Variants in TTC6 observed in about 807,000 individuals in gnomAD.
TTC6 encodes tetratricopeptide repeat domain 6.
TTC6 carries 172 observed loss-of-function variants against 210.4 expected under a neutral mutation model. That is an observed-to-expected ratio of 0.82 (90% CI 0.72 to 0.93). The LOEUF is 0.93. Ranked by LOEUF, TTC6 falls within the 40% of genes least tolerant of loss-of-function variation. TTC6 has a pLI of 0.00. For missense variants in TTC6, 2,414 were observed against 2,318.1 expected, an observed-to-expected ratio of 1.04 and a Z score of -0.85; for synonymous variants, 804 against 819.6, an observed-to-expected ratio of 0.98 and a Z score of 0.32.
chr14:37,721,422 T>G (rs2095861596), intron 6 of TTC6, among the ~76,000 whole-genome samples: 2 of 152,190 alleles, frequency 1.3e-5, no homozygotes, highest in African/African-American at 4.8e-5. Context: ...TTGGGAACCT[T>G]GCAAAATCAT....
intron 14 of TTC6, among the ~76,000 whole-genome samples, chr14:37,770,640 G>GT: frequency 6.6e-6 from 1 of 151,454 alleles, no homozygotes; most frequent in Non-Finnish European, 1.5e-5. Context: ...GCCTTTTTTT[G>GT]TTTTTCATTT....
intron 1 of TTC6, among the ~76,000 whole-genome samples, chr14:37,652,166 G>A (rs754011284): frequency 2.0e-5 from 3 of 152,304 alleles, no homozygotes; most frequent in East Asian, 1.9e-4. Context: ...TGGACTCAGC[G>A]TTAGGTGGTT....
At chr14:37,842,008 G>T in intron 30 of TTC6, 147 bp from the exon 33 acceptor site, 1 of 681,754 alleles carries the variant, frequency 1.5e-6, no homozygotes, top group Non-Finnish European at 2.2e-6. Context: ...TTGAAGAAAA[G>T]TGTTTTCAAA....
chr14:37,696,426 A>G (rs1198976149), intron 3 of TTC6, among the ~76,000 whole-genome samples: 3 of 152,150 alleles, frequency 2.0e-5, no homozygotes, highest in Non-Finnish European at 4.4e-5. Context: ...TACAAATACC[A>G]ATAAAGAAGA....
intron 13 of TTC6, among the ~76,000 whole-genome samples, chr14:37,751,968 T>C (rs980824018): frequency 1.3e-5 from 2 of 151,434 alleles, no homozygotes; most frequent in South Asian, 2.1e-4. Context: ...GGGCTACAGG[T>C]GCCCGCCACT....
chr14:37,786,968 C>T (rs1399740327), intron 14 of TTC6, among the ~76,000 whole-genome samples: 1 of 152,136 alleles, frequency 6.6e-6, no homozygotes, highest in African/African-American at 2.4e-5. Context: ...ATCCAGTTTA[C>T]ACAACTAATG....
chr14:37,617,333 C>T (rs1382195817), upstream of TTC6, among the ~76,000 whole-genome samples: 5 of 152,136 alleles, frequency 3.3e-5, no homozygotes, highest in Non-Finnish European at 7.4e-5. Context: ...AGTATATTCA[C>T]AAGGGATATA....
intron 29 of TTC6, among the ~76,000 whole-genome samples, chr14:37,836,668 A>G (rs1014476626): frequency 5.9e-5 from 9 of 152,118 alleles, no homozygotes; most frequent in African/African-American, 1.7e-4. Context: ...CTCCCTCCAG[A>G]GACTAGCAGG....
At chr14:37,745,615 T>C (rs1048571528) in intron 10 of TTC6, among the ~76,000 whole-genome samples, 1 of 152,224 alleles carries the variant, frequency 6.6e-6, no homozygotes, top group Non-Finnish European at 1.5e-5. Context: ...TCTTACTAGG[T>C]CCACTGTTAA....
chr14:37,739,115 G>C (rs936384608), exon 10 of TTC6: 3 of 1,524,254 alleles, frequency 2.0e-6, no homozygotes, highest in East Asian at 2.4e-5. Flanking sequence ...ACTTATATTC[G>C]TGCATGAAGA....
At chr14:37,790,779 C>T (rs1367056969) in exon 16 of TTC6, 1 of 1,534,576 alleles carries the variant, frequency 6.5e-7, no homozygotes, top group Non-Finnish European at 8.7e-7. Flanking sequence ...AGTCTATGCA[C>T]ATCTAAAACT....
intron 14 of TTC6, among the ~76,000 whole-genome samples, chr14:37,766,015 T>C (rs2095998153): frequency 6.6e-6 from 1 of 152,164 alleles, no homozygotes; most frequent in African/African-American, 2.4e-5. Flanking sequence ...TGTTGACAGA[T>C]TGATCATAAT....
chr14:37,804,126 C>G (rs1023828169), intron 20 of TTC6, among the ~76,000 whole-genome samples: 2 of 152,050 alleles, frequency 1.3e-5, no homozygotes, highest in Non-Finnish European at 2.9e-5. Flanking sequence ...AGAGTTTGAA[C>G]ATTTTCATTA....
intron 2 of TTC6, among the ~76,000 whole-genome samples, chr14:37,612,122 A>G (rs1225478253): frequency 6.6e-6 from 1 of 152,216 alleles, no homozygotes; most frequent in African/African-American, 2.4e-5. Context: ...AGGTACAGGC[A>G]TACAATTTGA....
At chr14:37,661,047 G>T (rs966140047) in intron 1 of TTC6, among the ~76,000 whole-genome samples, 3 of 152,010 alleles carry the variant, frequency 2.0e-5, no homozygotes, top group African/African-American at 7.2e-5. Flanking sequence ...TTTTTTTCTT[G>T]TAAATTTGTT....
intron 1 of TTC6, among the ~76,000 whole-genome samples, chr14:37,654,443 T>C (rs2095718293): frequency 6.6e-6 from 1 of 152,140 alleles, no homozygotes. Flanking sequence ...GCTCCTACTT[T>C]TGGAATATGG....
intron 1 of TTC6, among the ~76,000 whole-genome samples, chr14:37,679,179 A>G (rs2095777236): frequency 6.6e-6 from 1 of 152,114 alleles, no homozygotes; most frequent in Non-Finnish European, 1.5e-5. Flanking sequence ...CTATGATTGC[A>G]CCACTGCATT....
chr14:37,642,911 AAGAT>A lies in TTC6; in HGVS notation c.939+19912_939+19915del, dbSNP rs1299606893. Among the ~76,000 whole-genome samples, 4 of 152,374 alleles carry A rather than the reference AAGAT, an allele frequency of 2.6e-5. No homozygotes were observed. In the East Asian group the frequency reaches 7.7e-4, roughly 29 times the overall value. ...GTATCTAAACTATGTAAACATAGAA[AAGAT>A]AGAGTAAAAATGCAGTATAACCTTA... On this transcript the variant is annotated intron_variant, in intron 1 of 30. Coordinates refer to ENST00000553443, the Ensembl canonical transcript of TTC6.
At chr14:37,651,410 TATATATATATATA>T (rs2095711576) in intron 1 of TTC6, among the ~76,000 whole-genome samples, 1 of 20,924 alleles carries the variant, frequency 4.8e-5, no homozygotes, top group African/African-American at 2.5e-4. Flanking sequence ...TATATATATA[TATATATATATATA>T]TATTTTTTTT....
Sources: gnomAD v4.1 joint callset for allele counts (sites outside exome capture counted in the v4.1 genomes callset) on GRCh38, gnomAD v4.1.1 for gene constraint, MANE v1.5 for transcripts, NCBI Gene and HGNC (gene_info 2026-07-23, HGNC 2026-07-21) for gene names.